ST6GALNAC3: variants seen among roughly 807,000 people sequenced by gnomAD.
The protein encoded by ST6GALNAC3 is alpha-N-acetylgalactosaminide alpha-2,6-sialyltransferase 3.
Under a neutral mutation model 32.7 loss-of-function variants are expected in ST6GALNAC3, and 25 were observed. The observed-to-expected ratio is 0.76, with a 90% CI of 0.56 to 1.07. The LOEUF is 1.07. Ranked by LOEUF, ST6GALNAC3 falls within the 50% of genes least tolerant of loss-of-function variation. ST6GALNAC3 has a pLI of 0.00. For synonymous variants in ST6GALNAC3, 129 were observed against 133.1 expected, an observed-to-expected ratio of 0.97 and a Z score of 0.21; for missense variants, 355 against 382.4, an observed-to-expected ratio of 0.93 and a Z score of 0.60.
chr1:76,236,114 T>C (rs112265626), intron 1 of ST6GALNAC3, among the ~76,000 whole-genome samples: 2 of 151,894 alleles, frequency 1.3e-5, no homozygotes, highest in African/African-American at 4.8e-5. Context: ...CTGGCTAATT[T>C]TTTGCGTATT....
chr1:76,567,196 A>G (rs552115716), intron 3 of ST6GALNAC3, among the ~76,000 whole-genome samples: 1 of 152,318 alleles, frequency 6.6e-6, no homozygotes, highest in African/African-American at 2.4e-5. Context: ...TTTTAAAGCC[A>G]TGAGACCCTC....
intron 3 of ST6GALNAC3, among the ~76,000 whole-genome samples, chr1:76,461,438 C>A (rs1381422356): frequency 6.6e-6 from 1 of 152,162 alleles, no homozygotes; most frequent in Non-Finnish European, 1.5e-5. Context: ...TAAAAACATA[C>A]AATTAAACAC....
At chr1:76,144,669 A>G (rs1650561283) in intron 1 of ST6GALNAC3, among the ~76,000 whole-genome samples, 3 of 152,210 alleles carry the variant, frequency 2.0e-5, no homozygotes, top group Non-Finnish European at 4.4e-5. Context: ...TTTAATAAAT[A>G]CAATACTCTC....
intron 3 of ST6GALNAC3, among the ~76,000 whole-genome samples, chr1:76,503,967 G>A (rs1474472191): frequency 1.3e-5 from 2 of 152,162 alleles, no homozygotes; most frequent in Non-Finnish European, 2.9e-5. Context: ...GGAAGGAACT[G>A]GGTTTTTTAT....
intron 1 of ST6GALNAC3, among the ~76,000 whole-genome samples, chr1:76,120,341 C>T (rs530836127): frequency 6.6e-6 from 1 of 152,138 alleles, no homozygotes; most frequent in Admixed American, 6.5e-5. Context: ...AAGTGCTGCT[C>T]TCTGCATTTT....
intron 3 of ST6GALNAC3, among the ~76,000 whole-genome samples, chr1:76,573,004 A>G (rs576157421): frequency 6.6e-6 from 1 of 152,226 alleles, no homozygotes; most frequent in African/African-American, 2.4e-5. Flanking sequence ...AGTTAACTAA[A>G]AGTTTTGTAG....
chr1:76,264,244 G>A (rs997974261), intron 1 of ST6GALNAC3, among the ~76,000 whole-genome samples: 1 of 152,070 alleles, frequency 6.6e-6, no homozygotes, highest in African/African-American at 2.4e-5. Context: ...AGCCACATCA[G>A]CATAATAGTA....
chr1:76,372,935 A>T (rs1650940822), intron 2 of ST6GALNAC3, among the ~76,000 whole-genome samples: 1 of 151,898 alleles, frequency 6.6e-6, no homozygotes, highest in African/African-American at 2.4e-5. Context: ...CTCCTTTAAT[A>T]TTTAAAATAT....
At position 76,629,674 on chromosome 1, in the gene ST6GALNAC3, G is replaced by A; in HGVS notation, c.*868G>A. ...AAACATTCCTAAAAAGTAACCAAAG[G>A]GTTTGCTAACTCTGCTTCAACATCC... On this transcript the variant is annotated 3_prime_UTR_variant, in exon 5 of 5. Coordinates refer to ENST00000328299, the MANE Select transcript of ST6GALNAC3 (RefSeq NM_152996.4). 1 of 985,108 alleles carries A rather than the reference G, an allele frequency of 1.0e-6. No individual in the cohort carries two copies. Among genetic ancestry groups the A allele is most frequent in the Non-Finnish European group, 1.2e-6 (1 of 829,618 alleles). The allele number at this position is 985,108 out of a possible 1,614,324, so 61.0% of individuals were successfully genotyped here.
At chr1:76,534,348 C>T (rs1663460492) in intron 3 of ST6GALNAC3, among the ~76,000 whole-genome samples, 1 of 152,078 alleles carries the variant, frequency 6.6e-6, no homozygotes, top group African/African-American at 2.4e-5. Context: ...TGGCCCAGTC[C>T]TATACCTTTA....
At chr1:76,297,913 TAGG>T (rs1182795971) in intron 1 of ST6GALNAC3, among the ~76,000 whole-genome samples, 1 of 151,968 alleles carries the variant, frequency 6.6e-6, no homozygotes. Context: ...GAAGAACAGC[TAGG>T]AGAAGTATCA....
At chr1:76,635,780 C>T (rs1044036252), downstream of ST6GALNAC3, among the ~76,000 whole-genome samples, 12 of 152,080 alleles carry the variant, frequency 7.9e-5, no homozygotes, top group South Asian at 2.1e-4. Flanking sequence ...CCTCTCTATT[C>T]GGCCTGCTAA....
chr1:76,089,280 T>TGACCTCGTGATCTGCCC (rs1398334595), intron 1 of ST6GALNAC3, among the ~76,000 whole-genome samples: 2 of 152,200 alleles, frequency 1.3e-5, no homozygotes, highest in Admixed American at 1.3e-4. Context: ...CTCAATCTCC[T>TGACCTCGTGATCTGCCC]GACCTCGTGA....
At chr1:76,354,390 A>G (rs1386920572) in intron 2 of ST6GALNAC3, 3 of 152,198 alleles carry the variant, frequency 2.0e-5, no homozygotes, top group African/African-American at 7.2e-5. Flanking sequence ...TCCGTGAAAA[A>G]AGAGACCTGT....
chr1:76,576,655 A>C (rs1172489682), intron 3 of ST6GALNAC3, among the ~76,000 whole-genome samples: 6 of 152,034 alleles, frequency 3.9e-5, no homozygotes, highest in African/African-American at 1.4e-4. Flanking sequence ...AGTTTCATAA[A>C]AGTTGTATAA....
intron 2 of ST6GALNAC3, among the ~76,000 whole-genome samples, chr1:76,379,322 A>G (rs1651518286): frequency 6.6e-6 from 1 of 152,114 alleles, no homozygotes; most frequent in African/African-American, 2.4e-5. Context: ...GCATCTTGCC[A>G]ATATCCCTAA....
chr1:76,343,430 T>A (rs538470055), intron 2 of ST6GALNAC3, among the ~76,000 whole-genome samples: 123 of 152,232 alleles, frequency 8.1e-4, no homozygotes, highest in Non-Finnish European at 1.5e-3. Flanking sequence ...TAGCTCCCTA[T>A]CAGGAGAAAC....
intron 3 of ST6GALNAC3, among the ~76,000 whole-genome samples, chr1:76,485,748 T>G (rs1336303007): frequency 3.3e-5 from 5 of 152,306 alleles, no homozygotes; most frequent in Middle Eastern, 3.4e-3. Context: ...ATCTTAGCTA[T>G]TTCTTGCCTT....
chr1:76,286,992 T>C (rs1320389372), intron 1 of ST6GALNAC3, among the ~76,000 whole-genome samples: 2 of 152,258 alleles, frequency 1.3e-5, no homozygotes, highest in Non-Finnish European at 2.9e-5. Context: ...AGGTGTATGT[T>C]CTTCAATCTT....
Sources: allele counts gnomAD v4.1 joint callset (sites outside exome capture counted in the v4.1 genomes callset), GRCh38; gene constraint gnomAD v4.1.1; transcripts MANE v1.5; gene names NCBI Gene and HGNC (gene_info 2026-07-23, HGNC 2026-07-21).